HEG1: variants seen among roughly 807,000 people sequenced by gnomAD.
HEG1 encodes heart development protein with EGF like domains 1.
HEG1 carries 56 observed loss-of-function variants against 125.6 expected under a neutral mutation model. The ratio of observed to expected loss-of-function variants is 0.45; its 90% CI spans 0.36 to 0.56. HEG1 has a LOEUF of 0.56. Among genes scored for constraint, HEG1 ranks in the 20% least tolerant of loss-of-function variants. The pLI is 0.00. For synonymous variants in HEG1, 644 were observed against 668.5 expected (o/e 0.96, Z 0.57); for missense variants, 1,523 against 1,670.0 (o/e 0.91, Z 1.53).
chr3:125,001,839 G>T lies in HEG1; in HGVS notation c.3517+13C>A. On this transcript the variant is annotated intron_variant, in intron 11 of 16. Coordinates refer to ENST00000311127, the MANE Select transcript of HEG1 (RefSeq NM_020733.2). ...TATATGGGTAGGATCCTCCCAGAGG[G>T]CTGCCCTCTTACCTCTAAAGATCCG... 6.2e-7 allele frequency: 1 copy of T among 1,609,982 alleles called. No individual in the cohort carries two copies.
intron 1 of HEG1, among the ~76,000 whole-genome samples, chr3:125,042,066 C>A (rs1313585955): frequency 1.3e-5 from 2 of 152,190 alleles, no homozygotes; most frequent in African/African-American, 4.8e-5. Flanking sequence ...TGCCACTGAA[C>A]TGTATACTTA....
intron 1 of HEG1, among the ~76,000 whole-genome samples, chr3:125,033,614 G>C (rs1250186986): frequency 6.6e-6 from 1 of 152,148 alleles, no homozygotes; most frequent in East Asian, 1.9e-4. Context: ...ATGTATTTAC[G>C]AGTGGTCCTG....
At chr3:125,025,809 C>A (rs1184065788) in intron 3 of HEG1, among the ~76,000 whole-genome samples, 1 of 152,154 alleles carries the variant, frequency 6.6e-6, no homozygotes, top group Non-Finnish European at 1.5e-5. Context: ...CCAATCCAAG[C>A]AATGTTTATG....
chr3:125,048,878 G>T (rs557016612), intron 1 of HEG1, among the ~76,000 whole-genome samples: 2 of 152,304 alleles, frequency 1.3e-5, no homozygotes, highest in South Asian at 2.1e-4. Context: ...AAGAATCACG[G>T]TAGTGGGTGA....
At chr3:125,046,669 T>C (rs1382259329) in intron 1 of HEG1, among the ~76,000 whole-genome samples, 2 of 152,164 alleles carry the variant, frequency 1.3e-5, no homozygotes, top group African/African-American at 4.8e-5. Flanking sequence ...TTGGATTATT[T>C]TGGAAACACA....
chr3:125,048,375 A>G (rs1579441190), intron 1 of HEG1, among the ~76,000 whole-genome samples: 1 of 152,140 alleles, frequency 6.6e-6, no homozygotes, highest in African/African-American at 2.4e-5. Flanking sequence ...CATGGTCCTC[A>G]TGGCCCTGGG....
At chr3:124,989,112 T>A (rs1470287631) in intron 14 of HEG1, among the ~76,000 whole-genome samples, 2 of 152,214 alleles carry the variant, frequency 1.3e-5, no homozygotes, top group Non-Finnish European at 2.9e-5. Context: ...TAATTCCAAG[T>A]CTCTAGACTC....
chr3:125,018,823 G>A (rs1937290739), intron 5 of HEG1, among the ~76,000 whole-genome samples: 1 of 150,676 alleles, frequency 6.6e-6, no homozygotes, highest in African/African-American at 2.4e-5. Flanking sequence ...AAATAAGGAA[G>A]GAAGGTGGAG....
chr3:124,971,104 A>G (rs1196419752), intron 16 of HEG1: 2 of 518,818 alleles, frequency 3.9e-6, no homozygotes, highest in Non-Finnish European at 7.5e-6. Flanking sequence ...CCAGGAGGCC[A>G]ACAGCAATCC....
chr3:124,982,911 G>A (rs1263841025), intron 14 of HEG1, among the ~76,000 whole-genome samples: 1 of 152,114 alleles, frequency 6.6e-6, no homozygotes, highest in Non-Finnish European at 1.5e-5. Flanking sequence ...CTGAGCTAGA[G>A]ACCTCCCCAC....
At chr3:125,019,681 G>T in intron 4 of HEG1, 84 bp from the exon 5 acceptor site, 1 of 1,066,072 alleles carries the variant, frequency 9.4e-7, no homozygotes, top group Non-Finnish European at 1.4e-6. Flanking sequence ...CCTCTCTAGG[G>T]AAAGATTCTT....
At chr3:124,986,447 C>T (rs1936743575) in intron 14 of HEG1, among the ~76,000 whole-genome samples, 1 of 152,096 alleles carries the variant, frequency 6.6e-6, no homozygotes, top group African/African-American at 2.4e-5. Context: ...TATGCTATCA[C>T]CATAGAGAGG....
chr3:125,013,074 T>A lies in HEG1; in HGVS notation c.2505A>T (p.Leu835Phe), dbSNP rs1013330746. 6.2e-6 allele frequency: 10 copies of A among 1,613,922 alleles called. No homozygotes were observed. Residue 835 changes from leucine to phenylalanine, a missense_variant, in exon 6 of 17, where the codon TTA becomes TTT. Coordinates refer to ENST00000311127, the MANE Select transcript of HEG1 (RefSeq NM_020733.2). ...EQTLPATSTN[L>F]AQMSPTFTTT... is the part of the protein sequence containing the mutation. ...TTGTGAAAGTTGGAGACATTTGTGC[T>A]AAGTTGGTGCTTGTGGCTGGAAGGG...
At chr3:124,990,562 C>T (rs1936815681) in intron 14 of HEG1, among the ~76,000 whole-genome samples, 1 of 152,180 alleles carries the variant, frequency 6.6e-6, no homozygotes, top group African/African-American at 2.4e-5. Context: ...TGGTCTCTAA[C>T]TCCTGGCCTC....
chr3:125,005,277 C>G lies in HEG1; in HGVS notation c.3285G>C (p.Glu1095Asp). The G allele has an allele frequency of 6.3e-7, 1 of 1,588,440 alleles. No individual in the cohort carries two copies. ...TCAGGACACTTACCGTTTTGGTGAT[C>G]TCATTTTCAACTTCTTGTAGGTCTG... ...KHSDLQEVEN[E>D]ITKTLNMCFS... Residue 1095 changes from glutamate to aspartate, a missense_variant, in exon 9 of 17, where the codon GAG becomes GAC. By Grantham distance (45) the Glu-to-Asp change is conservative. Transcript: ENST00000311127.
intron 9 of HEG1, 87 bp downstream of exon 9, chr3:125,005,178 A>C (rs75403525): frequency 0.013 from 10,107 of 764,872 alleles, 204 homozygotes; most frequent in Admixed American, 0.019. Context: ...CAGGAGACAC[A>C]GCTGACCGCT....
At chr3:125,020,741 T>G (rs1440550530) in intron 4 of HEG1, 51 bp downstream of exon 4, 1 of 1,496,954 alleles carries the variant, frequency 6.7e-7, no homozygotes, top group Non-Finnish European at 9.1e-7. Flanking sequence ...CTAAGAAAAT[T>G]CAATGATTTA....
chr3:125,023,948 T>C (rs1304370897), intron 3 of HEG1, among the ~76,000 whole-genome samples: 1 of 142,504 alleles, frequency 7.0e-6, no homozygotes, highest in African/African-American at 2.6e-5. Flanking sequence ...TATCCAGAAC[T>C]TGCCGAAAGT....
intron 14 of HEG1, among the ~76,000 whole-genome samples, chr3:124,987,950 C>CACACACACACACACAT (rs1553776032): frequency 1.2e-5 from 1 of 84,002 alleles, no homozygotes; most frequent in East Asian, 3.5e-4. Flanking sequence ...CACACACACA[C>CACACACACACACACAT]ACATATATAT....
Sources: allele counts gnomAD v4.1 joint callset (sites outside exome capture counted in the v4.1 genomes callset), GRCh38; gene constraint gnomAD v4.1.1; transcripts MANE v1.5; gene names NCBI Gene and HGNC (gene_info 2026-07-23, HGNC 2026-07-21).